PABPC1L: variants seen among roughly 807,000 people sequenced by gnomAD.
PABPC1L encodes polyadenylate-binding protein 1-like.
In PABPC1L, 31 loss-of-function variants were observed where a neutral mutation model predicts 66.6. The ratio of observed to expected loss-of-function variants is 0.47; its 90% CI spans 0.35 to 0.63. The LOEUF is 0.63. Ranked by LOEUF, PABPC1L falls within the 20% of genes least tolerant of loss-of-function variation. PABPC1L has a pLI of 0.00. For missense variants in PABPC1L, 722 were observed against 848.8 expected (o/e 0.85, Z 1.86); for synonymous variants, 348 against 335.1 (o/e 1.04, Z -0.42).
intron 7 of PABPC1L, among the ~76,000 whole-genome samples, chr20:44,929,297 C>G (rs1177155615): frequency 6.6e-6 from 1 of 151,974 alleles, no homozygotes; most frequent in Non-Finnish European, 1.5e-5. Flanking sequence ...AAGACAAACC[C>G]TAAATGCCAT....
intron 7 of PABPC1L, among the ~76,000 whole-genome samples, chr20:44,926,575 T>A (rs2066811196): frequency 6.7e-6 from 1 of 149,002 alleles, no homozygotes; most frequent in Non-Finnish European, 1.5e-5. Context: ...AGATAGAGTT[T>A]CCTTCTTGTC....
chr20:44,930,089 G>A (rs1240857682), intron 7 of PABPC1L, among the ~76,000 whole-genome samples: 4 of 152,090 alleles, frequency 2.6e-5, no homozygotes, highest in Non-Finnish European at 5.9e-5. Context: ...GATGCCTCCC[G>A]CATCGGGAGG....
chr20:44,934,796 G>A (rs4812874), intron 10 of PABPC1L, among the ~76,000 whole-genome samples: 32,639 of 152,190 alleles, frequency 0.21, 4,299 homozygotes, highest in East Asian at 0.3. Context: ...CAGGCTGGGC[G>A]TGATGGCTTA....
chr20:44,918,781 T>A, intron 3 of PABPC1L, 125 bp from the exon 4 acceptor site: 1 of 1,191,210 alleles, frequency 8.4e-7, no homozygotes, highest in East Asian at 2.4e-5. Context: ...AGTATTGTCC[T>A]GCCCAGTTTC....
chr20:44,930,196 C>T (rs545953261), intron 7 of PABPC1L, among the ~76,000 whole-genome samples: 2 of 152,288 alleles, frequency 1.3e-5, no homozygotes, highest in Non-Finnish European at 2.9e-5. Context: ...GCTCAGTAAA[C>T]AGGGTGCACG....
chr20:44,937,706 T>C (rs2066912141), intron 12 of PABPC1L: 3 of 226,022 alleles, frequency 1.3e-5, no homozygotes, highest in East Asian at 1.4e-4. Flanking sequence ...TGAGCCACCA[T>C]GCCTGGCCTC....
chr20:44,911,699 T>C (rs2066706499), intron 1 of PABPC1L, among the ~76,000 whole-genome samples: 2 of 152,108 alleles, frequency 1.3e-5, no homozygotes, highest in South Asian at 4.1e-4. Flanking sequence ...CCTGGGCACT[T>C]TTCTGTTTGT....
intron 7 of PABPC1L, 105 bp downstream of exon 7, chr20:44,924,361 G>T: frequency 1.1e-6 from 1 of 887,934 alleles, no homozygotes; most frequent in Non-Finnish European, 1.8e-6. Context: ...AGCCTTCAGG[G>T]GGTTGGTGCC....
chr20:44,920,811 T>G (rs2066767530), intron 5 of PABPC1L, among the ~76,000 whole-genome samples: 1 of 151,320 alleles, frequency 6.6e-6, no homozygotes, highest in Non-Finnish European at 1.5e-5. Context: ...AATCTCAATT[T>G]TATTTTTATG....
In PABPC1L at chr20:44,930,556, A is replaced by G. The variant is rs2066844181; in HGVS notation, c.1069A>G (p.Ile357Val). The G allele has an allele frequency of 6.2e-6, 10 of 1,614,254 alleles. No homozygotes were observed. Among genetic ancestry groups the G allele is most frequent in the East Asian group, 2.2e-5 (1 of 44,882 alleles). The stretch of plus-strand genomic sequence containing the variant: ...GGCCGTGACAGAGATGAACGGGCGC[A>G]TCGTGGGCACCAAGCCACTCTACGT... ...TKAVTEMNGR[I>V]VGTKPLYVAL... The change falls in exon 8 of 15, where the codon ATC (isoleucine) becomes GTC (valine). Residue 357 changes from isoleucine to valine, a missense_variant. Ile to Val is a conservative substitution (Grantham distance 29). Transcript: ENST00000217073.
chr20:44,920,775 A>T (rs2066767381), intron 5 of PABPC1L, among the ~76,000 whole-genome samples: 1 of 149,324 alleles, frequency 6.7e-6, no homozygotes, highest in African/African-American at 2.5e-5. Context: ...GGCCATATTT[A>T]CATTGTAAAT....
chr20:44,937,987 CACTCCAT>C, intron 12 of PABPC1L, 67 bp from the exon 13 acceptor site: 2 of 1,598,458 alleles, frequency 1.3e-6, no homozygotes, highest in Non-Finnish European at 1.7e-6. Context: ...CTCAGTGCTC[CACTCCAT>C]ACGAGCCCTG....
rs1238165891 is a variant in PABPC1L, at chr20:44,938,528, G to A, written c.1792-146G>A. The A allele has an allele frequency of 3.3e-6, 3 of 902,792 alleles. No individual in the cohort carries two copies. In the Admixed American group the frequency reaches 7.8e-5, roughly 23 times the overall value. 55.9% of individuals were successfully genotyped at this position (902,792 alleles called of 1,614,324 possible). A position where few individuals can be genotyped will look rare whatever the true frequency, so the allele number is the denominator to read the frequency against. ...CAGACAGGGCCATGGGATCTTGCAAGCAGTGGTGGATGGGAGGGTTCCACA... is the reference window on the plus strand; with the variant it reads ...CAGACAGGGCCATGGGATCTTGCAAACAGTGGTGGATGGGAGGGTTCCACA... On this transcript the variant is annotated intron_variant, in intron 13 of 14. Coordinates refer to ENST00000217073, the MANE Select transcript of PABPC1L (RefSeq NM_001372179.1).
chr20:44,910,412 C>A, intron 1 of PABPC1L, 76 bp downstream of exon 1: 1 of 1,396,860 alleles, frequency 7.2e-7, no homozygotes. Context: ...GGAACTGGGC[C>A]GCTTGCGCTT....
intron 14 of PABPC1L, among the ~76,000 whole-genome samples, 180 bp downstream of exon 14, chr20:44,938,928 G>C (rs986871246): frequency 6.6e-6 from 1 of 152,232 alleles, no homozygotes; most frequent in African/African-American, 2.4e-5. Flanking sequence ...GGAATGGGGG[G>C]TGGTGGAGGG....
intron 7 of PABPC1L, among the ~76,000 whole-genome samples, chr20:44,927,264 C>T (rs1233676856): frequency 6.6e-6 from 1 of 152,044 alleles, no homozygotes; most frequent in Non-Finnish European, 1.5e-5. Flanking sequence ...CTATCAAGTT[C>T]ATGGTAAGCT....
At chr20:44,935,755 C>T (rs150646118) in intron 11 of PABPC1L, among the ~76,000 whole-genome samples, 283 of 152,196 alleles carry the variant, frequency 1.9e-3, no homozygotes, top group African/African-American at 6.5e-3. Context: ...TGATGAACAC[C>T]AAGGAAAGGT....
chr20:44,920,243 C>T (rs1173271309), intron 5 of PABPC1L, among the ~76,000 whole-genome samples: 2 of 151,998 alleles, frequency 1.3e-5, no homozygotes, highest in African/African-American at 4.8e-5. Context: ...GACATGTATC[C>T]ACTATTATGG....
intron 10 of PABPC1L, 105 bp downstream of exon 10, chr20:44,933,290 A>G: frequency 1.0e-6 from 1 of 958,890 alleles, no homozygotes; most frequent in East Asian, 2.6e-5. Context: ...TCGGTGAGCA[A>G]AGCTGACTTT....
Sources: allele counts gnomAD v4.1 joint callset (sites outside exome capture counted in the v4.1 genomes callset), GRCh38; gene constraint gnomAD v4.1.1; transcripts MANE v1.5; gene names NCBI Gene and HGNC (gene_info 2026-07-23, HGNC 2026-07-21).